Variants in ADGRL2 observed in about 807,000 individuals in gnomAD.
ADGRL2 encodes the protein calcium-independent alpha-latrotoxin receptor 2.
Under a neutral mutation model 157.4 loss-of-function variants are expected in ADGRL2, and 44 were observed. The ratio of observed to expected loss-of-function variants is 0.28; its 90% CI spans 0.22 to 0.36. The LOEUF is 0.36. ADGRL2 is among the 10% of genes least tolerant of loss of function. ADGRL2 has a pLI of 1.00. For missense variants in ADGRL2, 1,510 were observed against 1,768.9 expected (o/e 0.85, Z 2.63); for synonymous variants, 585 against 624.7 (o/e 0.94, Z 0.95).
chr1:81,789,305 C>T (rs566647834), intron 2 of ADGRL2, among the ~76,000 whole-genome samples: 10 of 152,144 alleles, frequency 6.6e-5, no homozygotes, highest in Non-Finnish European at 1.5e-4. Context: ...CTATGATAAT[C>T]AATGTTTGTT....
At chr1:81,595,104 T>A (rs1194275779) in intron 3 of ADGRL2, among the ~76,000 whole-genome samples, 1 of 60,150 alleles carries the variant, frequency 1.7e-5, no homozygotes, top group Non-Finnish European at 4.2e-5. Context: ...CAGCTATCTA[T>A]AATAATAGAG....
intron 3 of ADGRL2, among the ~76,000 whole-genome samples, chr1:81,581,942 C>T (rs7538346): frequency 0.019 from 2,894 of 151,474 alleles, 86 homozygotes; most frequent in African/African-American, 0.067. Context: ...GGAAACAGGA[C>T]AGGCATGGTG....
intron 2 of ADGRL2, among the ~76,000 whole-genome samples, chr1:81,499,291 G>C (rs1265996436): frequency 6.6e-6 from 1 of 152,258 alleles, no homozygotes; most frequent in Non-Finnish European, 1.5e-5. Context: ...AGCTTAATCA[G>C]CTGGGTCTAG....
chr1:81,566,311 C>T (rs1040556596), intron 2 of ADGRL2, among the ~76,000 whole-genome samples: 20 of 152,076 alleles, frequency 1.3e-4, no homozygotes, highest in African/African-American at 4.8e-4. Context: ...ATGGTATTAC[C>T]CCTCTAACTA....
chr1:81,784,036 A>C (rs987846581), intron 2 of ADGRL2, among the ~76,000 whole-genome samples: 1 of 152,188 alleles, frequency 6.6e-6, no homozygotes, highest in Non-Finnish European at 1.5e-5. Flanking sequence ...TTAAAAATGC[A>C]CAGCTTGAAA....
chr1:81,925,269 A>C (rs2095077595), intron 3 of ADGRL2, among the ~76,000 whole-genome samples: 1 of 152,084 alleles, frequency 6.6e-6, no homozygotes, highest in South Asian at 2.1e-4. Flanking sequence ...ACATTAACTT[A>C]TTAATTCAGT....
chr1:81,699,196 T>G (rs901751425), upstream of ADGRL2, among the ~76,000 whole-genome samples: 2 of 152,212 alleles, frequency 1.3e-5, no homozygotes, highest in Admixed American at 6.5e-5. Flanking sequence ...GAAAATACAG[T>G]CATTCTCGAT....
chr1:81,843,185 T>A (rs2092663256), intron 2 of ADGRL2, among the ~76,000 whole-genome samples: 1 of 152,146 alleles, frequency 6.6e-6, no homozygotes, highest in Non-Finnish European at 1.5e-5. Flanking sequence ...CAGGCTGGAG[T>A]GCAGTGGTGT....
chr1:81,576,110 G>A (rs1004496145), intron 2 of ADGRL2, among the ~76,000 whole-genome samples: 1 of 151,980 alleles, frequency 6.6e-6, no homozygotes, highest in African/African-American at 2.4e-5. Flanking sequence ...TTGCTTTTCA[G>A]TTTACCCAGG....
Position 81,950,171 on chromosome 1 carries a change from C to T in ADGRL2, c.1211-18C>T. The T allele has an allele frequency of 1.2e-6, 2 of 1,608,542 alleles. No homozygotes were observed. Among genetic ancestry groups the T allele is most frequent in the Non-Finnish European group, 1.7e-6 (2 of 1,175,860 alleles). The stretch of plus-strand genomic sequence containing the variant: ...CAAGTGTGTGTTTGAGATTAATATA[C>T]TCATCTTTTTTCCATAGTGCCTACC... On this transcript the variant is annotated intron_variant, in intron 6 of 23. Coordinates refer to ENST00000686636, the MANE Select transcript of ADGRL2 (RefSeq NM_001366006.2).
intron 4 of ADGRL2, among the ~76,000 whole-genome samples, chr1:81,937,742 GT>G (rs2095330737): frequency 6.6e-6 from 1 of 151,616 alleles, no homozygotes; most frequent in Non-Finnish European, 1.5e-5. Flanking sequence ...ATTTGAGACA[GT>G]TTTTGTACAC....
intron 2 of ADGRL2, among the ~76,000 whole-genome samples, chr1:81,453,333 T>C (rs1238068555): frequency 6.6e-6 from 1 of 152,046 alleles, no homozygotes; most frequent in South Asian, 2.1e-4. Flanking sequence ...GGGTGAGAAG[T>C]AGATGAAAAA....
intron 2 of ADGRL2, among the ~76,000 whole-genome samples, chr1:81,877,879 G>A (rs1431367114): frequency 2.0e-5 from 3 of 152,020 alleles, no homozygotes; most frequent in Non-Finnish European, 4.4e-5. Context: ...TTTACCAGGT[G>A]TTAATCATAA....
At chr1:81,343,182 A>C (rs1662214134) in intron 1 of ADGRL2, among the ~76,000 whole-genome samples, 1 of 140,344 alleles carries the variant, frequency 7.1e-6, no homozygotes, top group Admixed American at 7.8e-5. Context: ...CTCCTCCTCC[A>C]GGGTCCAAGC....
At chr1:81,768,301 C>A (rs4650578) in intron 2 of ADGRL2, among the ~76,000 whole-genome samples, 47,754 of 151,908 alleles carry the variant, frequency 0.31, 8,685 homozygotes, top group East Asian at 0.77. Flanking sequence ...TCCCAGCTAT[C>A]ATCTGCTGAG....
chr1:81,932,860 C>T (rs6681544), intron 3 of ADGRL2, among the ~76,000 whole-genome samples: 44,825 of 151,904 alleles, frequency 0.3, 7,196 homozygotes, highest in Middle Eastern at 0.37. Flanking sequence ...TGCATGCCTG[C>T]GTGGCTAATT....
At chr1:81,606,108 A>G (rs1042658838) in intron 3 of ADGRL2, among the ~76,000 whole-genome samples, 1 of 152,126 alleles carries the variant, frequency 6.6e-6, no homozygotes. Flanking sequence ...GAGCTCCTCT[A>G]TCTTTCTGTT....
chr1:81,431,761 T>G (rs1392643788), intron 1 of ADGRL2, among the ~76,000 whole-genome samples: 1 of 152,218 alleles, frequency 6.6e-6, no homozygotes, highest in African/African-American at 2.4e-5. Flanking sequence ...GATAGATTAC[T>G]TCTTTGGGCT....
intron 2 of ADGRL2, among the ~76,000 whole-genome samples, chr1:81,785,371 A>G (rs191438021): frequency 6.6e-6 from 1 of 152,290 alleles, no homozygotes; most frequent in Admixed American, 6.5e-5. Flanking sequence ...TATATTACTT[A>G]GGATTTTAAG....
Sources: allele counts gnomAD v4.1 joint callset (sites outside exome capture counted in the v4.1 genomes callset), GRCh38; gene constraint gnomAD v4.1.1; transcripts MANE v1.5; gene names NCBI Gene and HGNC (gene_info 2026-07-23, HGNC 2026-07-21).